ZFHX3: variants seen among roughly 807,000 people sequenced by gnomAD.
ZFHX3 encodes zinc finger homeobox protein 3.
Under a neutral mutation model 279.1 loss-of-function variants are expected in ZFHX3, and 42 were observed. The observed-to-expected ratio is 0.15, with a 90% confidence interval of 0.12 to 0.19. The LOEUF is 0.19. Ranked by LOEUF, ZFHX3 falls within the 10% of genes least tolerant of loss-of-function variation. ZFHX3 has a pLI of 1.00. For synonymous variants in ZFHX3, 2,293 were observed against 1,957.8 expected, an observed-to-expected ratio of 1.17 and a Z score of -4.52; for missense variants, 4,981 against 4,754.0, an observed-to-expected ratio of 1.05 and a Z score of -1.40.
chr16:72,960,841 C>T (rs1226293941), intron 1 of ZFHX3, among the ~76,000 whole-genome samples: 1 of 152,126 alleles, frequency 6.6e-6, no homozygotes, highest in Non-Finnish European at 1.5e-5. Context: ...AGACACACTC[C>T]GAAAAGTCCT....
intron 8 of ZFHX3, among the ~76,000 whole-genome samples, chr16:73,082,093 T>C (rs1384153937): frequency 6.6e-6 from 1 of 152,032 alleles, no homozygotes; most frequent in Non-Finnish European, 1.5e-5. Context: ...CGCCTCAGTC[T>C]CTCAAAGTGC....
intron 7 of ZFHX3, among the ~76,000 whole-genome samples, chr16:73,128,989 G>A (rs956653790): frequency 1.3e-5 from 2 of 152,130 alleles, no homozygotes; most frequent in Admixed American, 1.3e-4. Context: ...CACTGAGCAA[G>A]TGCCTACTTA....
intron 4 of ZFHX3, among the ~76,000 whole-genome samples, chr16:73,274,617 C>T (rs1385410140): frequency 1.3e-5 from 2 of 152,106 alleles, no homozygotes; most frequent in African/African-American, 4.8e-5. Flanking sequence ...GACCTGATAC[C>T]CTATTTTTAT....
intron 2 of ZFHX3, chr16:73,499,299 T>C (rs2019194888): frequency 6.6e-6 from 1 of 152,142 alleles, no homozygotes. Context: ...AGCGGCAACT[T>C]CCCACAGGTT....
chr16:73,333,931 A>G (rs1174960715), intron 3 of ZFHX3, among the ~76,000 whole-genome samples: 3 of 152,020 alleles, frequency 2.0e-5, no homozygotes, highest in Non-Finnish European at 4.4e-5. Flanking sequence ...CCTGCTGCCA[A>G]TGCAGGTGGA....
chr16:73,429,369 G>A (rs534582356), intron 3 of ZFHX3, among the ~76,000 whole-genome samples: 1 of 152,224 alleles, frequency 6.6e-6, no homozygotes, highest in South Asian at 2.1e-4. Context: ...GTCTCACTTT[G>A]TTGCCCAGGC....
At chr16:73,428,037 G>T (rs572203086) in intron 3 of ZFHX3, among the ~76,000 whole-genome samples, 22 of 152,230 alleles carry the variant, frequency 1.4e-4, no homozygotes, top group African/African-American at 5.3e-4. Flanking sequence ...ACACATGCAT[G>T]CACACACGTA....
intron 5 of ZFHX3, among the ~76,000 whole-genome samples, chr16:73,154,656 G>A (rs2084823965): frequency 6.6e-6 from 1 of 152,168 alleles, no homozygotes. Context: ...AGGGACTCTT[G>A]ATAGTTACTA....
chr16:73,129,354 C>G (rs879606157), intron 7 of ZFHX3, among the ~76,000 whole-genome samples: 2 of 146,402 alleles, frequency 1.4e-5, no homozygotes, highest in African/African-American at 5.0e-5. Context: ...CACCACTGCA[C>G]TCCAGCCTGG....
chr16:73,190,381 A>G (rs1238182200), intron 5 of ZFHX3, among the ~76,000 whole-genome samples: 2 of 152,246 alleles, frequency 1.3e-5, no homozygotes, highest in African/African-American at 2.4e-5. Context: ...GAGAATGGGG[A>G]CAGGCACTAG....
intron 4 of ZFHX3, among the ~76,000 whole-genome samples, chr16:73,301,956 G>C (rs2015066473): frequency 6.6e-6 from 1 of 152,050 alleles, no homozygotes. Context: ...GCCCGACAGA[G>C]TCCATGCAAG....
intron 3 of ZFHX3, among the ~76,000 whole-genome samples, chr16:72,944,226 A>G (rs1222395860): frequency 6.6e-6 from 1 of 152,214 alleles, no homozygotes; most frequent in Non-Finnish European, 1.5e-5. Flanking sequence ...CAGACGTTGC[A>G]GCCAGCCGAG....
intron 1 of ZFHX3, among the ~76,000 whole-genome samples, chr16:73,887,776 A>C (rs1457292100): frequency 6.6e-6 from 1 of 152,216 alleles, no homozygotes; most frequent in Non-Finnish European, 1.5e-5. Flanking sequence ...TGGGTAACTT[A>C]AAACAGCCCA....
intron 2 of ZFHX3, among the ~76,000 whole-genome samples, chr16:73,558,981 C>A (rs1223357500): frequency 6.6e-6 from 1 of 151,912 alleles, no homozygotes; most frequent in Non-Finnish European, 1.5e-5. Flanking sequence ...TCCCAAAGTG[C>A]TAGGATTACA....
chr16:73,744,864 C>A (rs1417618922), intron 1 of ZFHX3, among the ~76,000 whole-genome samples: 3 of 152,108 alleles, frequency 2.0e-5, no homozygotes, highest in Non-Finnish European at 4.4e-5. Flanking sequence ...AGCAGGAACC[C>A]AATTTTTCAA....
chr16:73,178,351 C>G (rs951410816), intron 5 of ZFHX3, among the ~76,000 whole-genome samples: 47 of 152,042 alleles, frequency 3.1e-4, no homozygotes, highest in African/African-American at 1.1e-3. Flanking sequence ...GTTGACCAGG[C>G]TAGTCTCAAA....
chr16:73,862,689 A>T (rs770428999), intron 1 of ZFHX3, among the ~76,000 whole-genome samples: 131 of 152,226 alleles, frequency 8.6e-4, no homozygotes, highest in South Asian at 2.5e-3. Flanking sequence ...AGGTGGGAGG[A>T]TCACTTGAGC....
intron 1 of ZFHX3, among the ~76,000 whole-genome samples, chr16:73,813,036 C>T (rs1381274687): frequency 1.3e-5 from 2 of 152,200 alleles, no homozygotes; most frequent in Non-Finnish European, 2.9e-5. Flanking sequence ...CTTTGGGACT[C>T]CAATGAATCT....
intron 5 of ZFHX3, among the ~76,000 whole-genome samples, chr16:73,150,771 G>C (rs1299119413): frequency 6.6e-6 from 1 of 152,188 alleles, no homozygotes; most frequent in Non-Finnish European, 1.5e-5. Context: ...ATACATCTTT[G>C]TATCTCCAGC....
Sources: allele counts gnomAD v4.1 joint callset (sites outside exome capture counted in the v4.1 genomes callset), GRCh38; gene constraint gnomAD v4.1.1; transcripts MANE v1.5; gene names NCBI Gene and HGNC (gene_info 2026-07-23, HGNC 2026-07-21).